The following ZNF385B variants were observed in gnomAD, a reference collection of about 807,000 sequenced individuals.
ZNF385B encodes zinc finger protein 533.
Under a neutral mutation model 39.2 loss-of-function variants are expected in ZNF385B, and 23 were observed. That is an observed-to-expected ratio of 0.59 (90% CI 0.42 to 0.83). ZNF385B has a LOEUF of 0.83. ZNF385B is among the 40% of genes least tolerant of loss of function. The pLI is 0.00. For synonymous variants in ZNF385B, 205 were observed against 222.6 expected, an observed-to-expected ratio of 0.92 and a Z score of 0.70; for missense variants, 552 against 598.9, an observed-to-expected ratio of 0.92 and a Z score of 0.82.
At chr2:179,748,855 A>G (rs1478394665) in intron 3 of ZNF385B, among the ~76,000 whole-genome samples, 1 of 152,064 alleles carries the variant, frequency 6.6e-6, no homozygotes. Context: ...GCTGTCTTCA[A>G]AGAGCATTTC....
At chr2:179,445,810 C>T in intron 7 of ZNF385B, 82 bp from the exon 8 acceptor site, 1 of 1,304,558 alleles carries the variant, frequency 7.7e-7, no homozygotes, top group Non-Finnish European at 1.0e-6. Flanking sequence ...GAGAAGTTTA[C>T]CTGCAGGCTA....
intron 3 of ZNF385B, among the ~76,000 whole-genome samples, chr2:179,565,090 T>G (rs1282358173): frequency 1.3e-5 from 2 of 152,202 alleles, no homozygotes; most frequent in Non-Finnish European, 2.9e-5. Flanking sequence ...ACAAGCATAA[T>G]TCCTTAATCA....
At chr2:179,771,059 G>T (rs967685675) in intron 1 of ZNF385B, among the ~76,000 whole-genome samples, 1 of 152,140 alleles carries the variant, frequency 6.6e-6, no homozygotes, top group African/African-American at 2.4e-5. Flanking sequence ...AGGGAAAGGG[G>T]TATGTGTGGG....
At chr2:179,672,133 T>A (rs901101857) in intron 3 of ZNF385B, among the ~76,000 whole-genome samples, 2 of 152,318 alleles carry the variant, frequency 1.3e-5, no homozygotes, top group South Asian at 2.1e-4. Context: ...ACAGCTCCAG[T>A]GGGTCTGGAA....
intron 5 of ZNF385B, among the ~76,000 whole-genome samples, chr2:179,516,554 G>T (rs575021506): frequency 1.3e-5 from 2 of 151,798 alleles, no homozygotes; most frequent in Non-Finnish European, 2.9e-5. Context: ...TTTTTTATGT[G>T]CTTATTCATC....
chr2:179,580,303 A>G (rs182025869), intron 3 of ZNF385B, among the ~76,000 whole-genome samples: 1 of 152,308 alleles, frequency 6.6e-6, no homozygotes, highest in African/African-American at 2.4e-5. Context: ...TCTCATTAGA[A>G]AAAGAGAGTT....
At chr2:179,678,481 G>C (rs1012609654) in intron 3 of ZNF385B, among the ~76,000 whole-genome samples, 1 of 152,120 alleles carries the variant, frequency 6.6e-6, no homozygotes, top group Non-Finnish European at 1.5e-5. Context: ...CTAGTGCTTG[G>C]GATGTAATTA....
intron 6 of ZNF385B, among the ~76,000 whole-genome samples, chr2:179,479,147 C>T (rs888352736): frequency 6.6e-4 from 100 of 152,136 alleles, no homozygotes; most frequent in Non-Finnish European, 1.5e-5. Flanking sequence ...AACTCTACCT[C>T]AACTTCCAAA....
At chr2:179,467,398 G>A (rs2052184795) in intron 6 of ZNF385B, among the ~76,000 whole-genome samples, 1 of 152,166 alleles carries the variant, frequency 6.6e-6, no homozygotes, top group South Asian at 2.1e-4. Flanking sequence ...GTGAACTACT[G>A]GACCACCTTT....
chr2:179,543,031 G>A (rs1449593433), intron 4 of ZNF385B, among the ~76,000 whole-genome samples: 1 of 152,170 alleles, frequency 6.6e-6, no homozygotes, highest in East Asian at 1.9e-4. Flanking sequence ...CAGCAGTTTG[G>A]GAGGCCGAGG....
At chr2:179,663,669 C>T (rs1466060953) in intron 3 of ZNF385B, among the ~76,000 whole-genome samples, 2 of 129,226 alleles carry the variant, frequency 1.5e-5, no homozygotes, top group African/African-American at 5.6e-5. Flanking sequence ...GAGATCGCGC[C>T]GCTGCATTCC....
chr2:179,564,393 C>T (rs73976414), intron 3 of ZNF385B, among the ~76,000 whole-genome samples: 24,773 of 151,952 alleles, frequency 0.16, 2,117 homozygotes, highest in African/African-American at 0.2. Flanking sequence ...AAAGGAGGCA[C>T]CAGGCATCTC....
intron 6 of ZNF385B, among the ~76,000 whole-genome samples, chr2:179,447,036 G>A (rs1184342142): frequency 1.3e-5 from 2 of 152,050 alleles, no homozygotes; most frequent in Non-Finnish European, 2.9e-5. Context: ...GTAACTTTCT[G>A]TCTGAAATCC....
At chr2:179,743,693 T>C (rs1455878807) in intron 3 of ZNF385B, among the ~76,000 whole-genome samples, 1 of 152,152 alleles carries the variant, frequency 6.6e-6, no homozygotes, top group Non-Finnish European at 1.5e-5. Context: ...GGTTATCTTC[T>C]GATAGAAAGA....
chr2:179,695,300 C>T (rs990756674), intron 3 of ZNF385B, among the ~76,000 whole-genome samples: 1 of 151,754 alleles, frequency 6.6e-6, no homozygotes, highest in Non-Finnish European at 1.5e-5. Context: ...AGATATGATA[C>T]CAAAAATATG....
At chr2:179,494,013 ATT>A (rs1173917513) in intron 5 of ZNF385B, among the ~76,000 whole-genome samples, 1 of 151,428 alleles carries the variant, frequency 6.6e-6, no homozygotes, top group African/African-American at 2.4e-5. Flanking sequence ...TTATATATAT[ATT>A]AGTGTTAACA....
chr2:179,749,182 A>G (rs887751850), intron 3 of ZNF385B, among the ~76,000 whole-genome samples: 1 of 152,050 alleles, frequency 6.6e-6, no homozygotes. Flanking sequence ...ATGATTTAAA[A>G]AAAAAGCTCC....
chr2:179,596,247 C>G (rs1221897445), intron 3 of ZNF385B, among the ~76,000 whole-genome samples: 1 of 152,186 alleles, frequency 6.6e-6, no homozygotes, highest in Non-Finnish European at 1.5e-5. Flanking sequence ...TACAGGCTCT[C>G]AATTCTTTCC....
chr2:179,463,932 T>C (rs1466457681), intron 6 of ZNF385B, among the ~76,000 whole-genome samples: 2 of 152,166 alleles, frequency 1.3e-5, no homozygotes, highest in African/African-American at 4.8e-5. Context: ...TGTCACACTG[T>C]CTTCCAATGG....
Sources: allele counts gnomAD v4.1 joint callset (sites outside exome capture counted in the v4.1 genomes callset), GRCh38; gene constraint gnomAD v4.1.1; transcripts MANE v1.5; gene names NCBI Gene and HGNC (gene_info 2026-07-23, HGNC 2026-07-21).